Variants in DPH6 observed in about 807,000 individuals in gnomAD.
DPH6 encodes the protein diphthamine biosynthesis 6, also known as diphthine--ammonia ligase.
DPH6 carries 33 observed loss-of-function variants against 38.2 expected under a neutral mutation model. The ratio of observed to expected loss-of-function variants is 0.86; its 90% CI spans 0.65 to 1.15. The LOEUF (loss-of-function observed/expected upper bound fraction) is 1.15. Ranked by LOEUF, DPH6 falls within the 50% of genes most tolerant of loss-of-function variation. DPH6 has a pLI of 0.00. For missense variants in DPH6, 325 were observed against 320.0 expected (o/e 1.02, Z -0.12); for synonymous variants, 108 against 103.0 (o/e 1.05, Z -0.30).
rs540915364 is a variant in DPH6, at chr15:35,232,133, G to A, written n.201-11551C>T. ...GATTATGGAGGGCTTGCTGTTATTC[G>A]TAATGACAAGGCTCAATGTATTGGC... On this transcript the variant is annotated intron_variant and non_coding_transcript_variant, in intron 3 of 3. Coordinates refer to the DPH6 transcript ENST00000560386. 1.1e-4 allele frequency among the ~76,000 whole-genome samples: 17 copies of A among 152,266 alleles called. No homozygotes were observed. The East Asian group carries it at 2.1e-3, about 19-fold the overall frequency.
At chr15:35,391,094 T>C (rs1413424776) in intron 6 of DPH6, among the ~76,000 whole-genome samples, 2 of 152,226 alleles carry the variant, frequency 1.3e-5, no homozygotes, top group Non-Finnish European at 2.9e-5. Context: ...TGTTGGACTT[T>C]ACTGGAGGTC....
chr15:35,289,048 C>T (rs2051962121), intron 3 of DPH6, among the ~76,000 whole-genome samples: 1 of 152,122 alleles, frequency 6.6e-6, no homozygotes, highest in East Asian at 1.9e-4. Context: ...TGTTGGATAC[C>T]TGTATTCATT....
intron 6 of DPH6, among the ~76,000 whole-genome samples, chr15:35,393,327 A>G (rs997051438): frequency 1.4e-4 from 21 of 152,212 alleles, no homozygotes; most frequent in African/African-American, 5.1e-4. Flanking sequence ...CTTCCATCAT[A>G]AGGTTCATGG....
chr15:35,152,233 G>A, the DPH6 span, among the ~76,000 whole-genome samples: 1 of 152,106 alleles, frequency 6.6e-6, no homozygotes, highest in South Asian at 2.1e-4. Flanking sequence ...GTTTCCAGGA[G>A]CCTAGTGACA....
chr15:35,210,314 A>G, the DPH6 span, among the ~76,000 whole-genome samples: 1 of 152,238 alleles, frequency 6.6e-6, no homozygotes, highest in Admixed American at 6.5e-5. Flanking sequence ...GATTAGATGT[A>G]TATAAAATAT....
intron 3 of DPH6, among the ~76,000 whole-genome samples, chr15:35,486,314 A>G (rs1296292834): frequency 6.6e-6 from 1 of 151,888 alleles, no homozygotes; most frequent in African/African-American, 2.4e-5. Context: ...TGGAGATTAC[A>G]AATCAAGGTG....
intron 3 of DPH6, among the ~76,000 whole-genome samples, chr15:35,311,690 A>C (rs2140826042): frequency 6.6e-6 from 1 of 152,336 alleles, no homozygotes; most frequent in South Asian, 2.1e-4. Flanking sequence ...TCCAGAAGGA[A>C]AACTTGAAAC....
intron 3 of DPH6, among the ~76,000 whole-genome samples, chr15:35,464,831 T>C (rs1566920095): frequency 1.3e-5 from 2 of 150,696 alleles, no homozygotes; most frequent in African/African-American, 2.5e-5. Flanking sequence ...CATACACACA[T>C]GAGGATGGAA....
At chr15:35,464,342 A>C (rs2054102734) in intron 3 of DPH6, among the ~76,000 whole-genome samples, 1 of 151,756 alleles carries the variant, frequency 6.6e-6, no homozygotes, top group Non-Finnish European at 1.5e-5. Context: ...TATATACATT[A>C]TAACAGACCA....
chr15:35,451,279 GA>G (rs983311041), intron 4 of DPH6, among the ~76,000 whole-genome samples: 15 of 151,824 alleles, frequency 9.9e-5, no homozygotes, highest in Admixed American at 5.2e-4. Flanking sequence ...AAAATAGTAA[GA>G]AAAAAAGTAC....
At chr15:35,357,619 G>A (rs542782354) in intron 3 of DPH6, among the ~76,000 whole-genome samples, 12 of 152,162 alleles carry the variant, frequency 7.9e-5, no homozygotes, top group Non-Finnish European at 1.5e-4. Flanking sequence ...GAAAATGACT[G>A]TATCTTTCCT....
the DPH6 span, among the ~76,000 whole-genome samples, chr15:35,189,082 T>A: frequency 6.6e-6 from 1 of 152,156 alleles, no homozygotes; most frequent in East Asian, 1.9e-4. Flanking sequence ...AACTTCAGAG[T>A]ATGTTTCCTA....
Position 35,475,767 on chromosome 15 carries a change from A to T in DPH6, c.313-20947T>A, listed in dbSNP as rs187248138. On this transcript the variant is annotated intron_variant, in intron 3 of 8. Transcript: ENST00000256538. ...AAAGTAATGTTAAAAAGAATGAATT[A>T]AAAAAAAGCAGTCAAGCAAAGAGGT... Among the ~76,000 whole-genome samples, 113 of 151,700 alleles carry T rather than the reference A, an allele frequency of 7.4e-4. 1 individual carries two copies. The East Asian group carries it at 0.018, about 24-fold the overall frequency.
intron 6 of DPH6, among the ~76,000 whole-genome samples, chr15:35,403,307 CA>C (rs780773699): frequency 2.0e-5 from 3 of 151,830 alleles, no homozygotes; most frequent in South Asian, 4.2e-4. Flanking sequence ...TTAAATTTTG[CA>C]TTAAAAATTG....
intron 3 of DPH6, among the ~76,000 whole-genome samples, chr15:35,240,456 T>TGCTCCTA (rs2051589767): frequency 7.0e-6 from 1 of 141,878 alleles, no homozygotes; most frequent in African/African-American, 2.5e-5. Context: ...CTCCCCTCCT[T>TGCTCCTA]GCCAGCCCAA....
At chr15:35,271,403 G>GA (rs1358983179) in intron 3 of DPH6, among the ~76,000 whole-genome samples, 1 of 152,020 alleles carries the variant, frequency 6.6e-6, no homozygotes, top group East Asian at 1.9e-4. Context: ...GCAAGAAGAA[G>GA]AAAAAAACAT....
At chr15:35,434,809 T>C (rs2053675855) in intron 5 of DPH6, among the ~76,000 whole-genome samples, 1 of 152,168 alleles carries the variant, frequency 6.6e-6, no homozygotes, top group Admixed American at 6.5e-5. Flanking sequence ...GTCTCACTCT[T>C]GTCGCCCAGG....
At chr15:35,516,499 T>C (rs558431096) in intron 3 of DPH6, among the ~76,000 whole-genome samples, 1 of 152,284 alleles carries the variant, frequency 6.6e-6, no homozygotes, top group African/African-American at 2.4e-5. Flanking sequence ...AGAAGTTAAC[T>C]AAACTAAGAT....
chr15:35,488,534 C>G (rs1044341299), intron 3 of DPH6, among the ~76,000 whole-genome samples: 2 of 152,086 alleles, frequency 1.3e-5, no homozygotes, highest in African/African-American at 4.8e-5. Flanking sequence ...TTTAAACCAT[C>G]AGATCTCATG....
Sources: gnomAD v4.1 joint callset for allele counts (sites outside exome capture counted in the v4.1 genomes callset) on GRCh38, gnomAD v4.1.1 for gene constraint, MANE v1.5 for transcripts, NCBI Gene and HGNC (gene_info 2026-07-23, HGNC 2026-07-21) for gene names.